The following CADM2 variants were observed in gnomAD, a reference collection of about 807,000 sequenced individuals.
The protein encoded by CADM2 is immunoglobulin superfamily member 4D.
Under a neutral mutation model 49.8 loss-of-function variants are expected in CADM2, and 12 were observed. That is an observed-to-expected ratio of 0.24 (90% CI 0.15 to 0.39). The LOEUF (loss-of-function observed/expected upper bound fraction) is 0.39, where lower values mean the gene tolerates loss of function less well. CADM2 is among the 10% of genes least tolerant of loss of function. CADM2 has a pLI of 1.00. For missense variants in CADM2, 378 were observed against 492.3 expected (o/e 0.77, Z 2.20); for synonymous variants, 214 against 175.4 (o/e 1.22, Z -1.74).
At chr3:86,032,259 A>G (rs1734643786) in intron 8 of CADM2, among the ~76,000 whole-genome samples, 1 of 151,780 alleles carries the variant, frequency 6.6e-6, no homozygotes, top group South Asian at 2.1e-4. Flanking sequence ...TCTGAATAAA[A>G]CTTCTGGTAA....
chr3:85,892,180 A>G (rs1257168376), intron 5 of CADM2, among the ~76,000 whole-genome samples: 2 of 152,184 alleles, frequency 1.3e-5, no homozygotes, highest in Non-Finnish European at 2.9e-5. Flanking sequence ...TGACAATGGA[A>G]TTTTTTACAA....
intron 1 of CADM2, among the ~76,000 whole-genome samples, chr3:85,086,906 G>A (rs900858379): frequency 9.2e-5 from 14 of 152,126 alleles, no homozygotes; most frequent in Admixed American, 1.3e-4. Context: ...TGCTTTCATA[G>A]CAATATTTTG....
At chr3:85,515,251 TA>T (rs1441367521) in intron 1 of CADM2, among the ~76,000 whole-genome samples, 5 of 152,050 alleles carry the variant, frequency 3.3e-5, no homozygotes, top group Non-Finnish European at 7.4e-5. Flanking sequence ...AGAAAGAGAA[TA>T]AGATCAGTTA....
chr3:85,032,953 G>A (rs1021105107), intron 1 of CADM2, among the ~76,000 whole-genome samples: 1 of 151,896 alleles, frequency 6.6e-6, no homozygotes, highest in Non-Finnish European at 1.5e-5. Flanking sequence ...TGCATGCTGA[G>A]AGATTTTCAG....
At chr3:85,562,957 T>G (rs1413785599) in intron 1 of CADM2, among the ~76,000 whole-genome samples, 2 of 152,226 alleles carry the variant, frequency 1.3e-5, no homozygotes, top group Non-Finnish European at 2.9e-5. Context: ...CCTTACATTT[T>G]TAAATAAGTT....
chr3:85,688,775 C>A (rs1487890829), intron 1 of CADM2, among the ~76,000 whole-genome samples: 1 of 151,986 alleles, frequency 6.6e-6, no homozygotes, highest in East Asian at 1.9e-4. Flanking sequence ...ACCATGGTGG[C>A]CAGCCTGGTT....
At chr3:85,074,118 G>A (rs1041083824) in intron 1 of CADM2, among the ~76,000 whole-genome samples, 1 of 151,970 alleles carries the variant, frequency 6.6e-6, no homozygotes, top group East Asian at 1.9e-4. Context: ...CAGAGCTCCC[G>A]TTACCACTTT....
At chr3:85,485,551 T>C (rs1242756105) in intron 1 of CADM2, among the ~76,000 whole-genome samples, 1 of 152,018 alleles carries the variant, frequency 6.6e-6, no homozygotes, top group Non-Finnish European at 1.5e-5. Context: ...GCCACAGTTA[T>C]TTGAGTAATG....
Position 85,990,794 on chromosome 3 carries a change from G to A in CADM2, c.970+29147G>A, listed in dbSNP as rs61508801. Among the ~76,000 whole-genome samples, 1,248 of 152,252 alleles carry A rather than the reference G, an allele frequency of 8.2e-3. 26 individuals carry two copies. Among genetic ancestry groups the A allele is most frequent in the East Asian group, 0.036 (189 of 5,180 alleles). ...TGCTAGGTGAAGGCTGAAATCTATC[G>A]TAGATAGACCATCCTTTAAAGCCAT... is the stretch of plus-strand genomic sequence containing the variant. On this transcript the variant is annotated intron_variant, in intron 8 of 9. Coordinates refer to ENST00000383699, the MANE Select transcript of CADM2 (RefSeq NM_001167675.2).
At chr3:85,948,912 T>G (rs1182761424) in intron 7 of CADM2, among the ~76,000 whole-genome samples, 1 of 151,342 alleles carries the variant, frequency 6.6e-6, no homozygotes, top group Non-Finnish European at 1.5e-5. Flanking sequence ...AAGTAAAAGA[T>G]AAGACTTTAT....
At chr3:85,865,175 G>T (rs773783110) in intron 3 of CADM2, among the ~76,000 whole-genome samples, 1 of 152,178 alleles carries the variant, frequency 6.6e-6, no homozygotes, top group Non-Finnish European at 1.5e-5. Context: ...TTACTTCAAA[G>T]AACTGGAGAG....
At chr3:85,449,053 A>AATAATAATAATAATAATG (rs2037619694) in intron 1 of CADM2, among the ~76,000 whole-genome samples, 3 of 15,826 alleles carry the variant, frequency 1.9e-4, no homozygotes, top group Non-Finnish European at 6.8e-4. Flanking sequence ...CCAACTCAAA[A>AATAATAATAATAATAATG]ATAATAATAA....
chr3:85,032,752 A>G (rs1576077439), intron 1 of CADM2, among the ~76,000 whole-genome samples: 1 of 152,016 alleles, frequency 6.6e-6, no homozygotes. Flanking sequence ...AAATGACTTC[A>G]TTTTTCACAT....
intron 1 of CADM2, among the ~76,000 whole-genome samples, chr3:85,290,759 A>C (rs943448878): frequency 6.6e-6 from 1 of 152,222 alleles, no homozygotes; most frequent in African/African-American, 2.4e-5. Context: ...AACAAACAGA[A>C]GGGACATCCA....
In CADM2 at chr3:85,062,088, GCA is replaced by G. The variant is rs750878271; in HGVS notation, c.61+102435_61+102436del. 4.9e-3 allele frequency among the ~76,000 whole-genome samples: 712 copies of G among 145,298 alleles called. 4 individuals carry two copies. Among genetic ancestry groups the G allele is most frequent in the Non-Finnish European group, 7.4e-3 (483 of 65,316 alleles). On this transcript the variant is annotated intron_variant, in intron 1 of 9. Transcript: ENST00000383699. ...CTCTCTCTCACTCATACACACACAC[GCA>G]CACACACACACACAAACACACACAC...
At chr3:85,173,381 A>G (rs2040687882) in intron 1 of CADM2, among the ~76,000 whole-genome samples, 1 of 152,150 alleles carries the variant, frequency 6.6e-6, no homozygotes, top group Non-Finnish European at 1.5e-5. Context: ...CTTCTATCTC[A>G]TGTAACAATA....
At chr3:85,955,286 A>G (rs1284884373) in intron 7 of CADM2, among the ~76,000 whole-genome samples, 2 of 151,404 alleles carry the variant, frequency 1.3e-5, no homozygotes, top group African/African-American at 2.4e-5. Context: ...ATCTTTATGA[A>G]AAAAAGGCAG....
At chr3:85,693,863 T>C (rs1371729893) in intron 1 of CADM2, among the ~76,000 whole-genome samples, 1 of 136,046 alleles carries the variant, frequency 7.4e-6, no homozygotes, top group African/African-American at 2.8e-5. Flanking sequence ...ACCACTGTAC[T>C]CCAGCCTGGG....
At chr3:85,005,814 T>C (rs1397045587) in intron 1 of CADM2, among the ~76,000 whole-genome samples, 1 of 152,090 alleles carries the variant, frequency 6.6e-6, no homozygotes, top group African/African-American at 2.4e-5. Flanking sequence ...ATTGTGTGTG[T>C]TGTATTTTTC....
Sources: gnomAD v4.1 joint callset for allele counts (sites outside exome capture counted in the v4.1 genomes callset) on GRCh38, gnomAD v4.1.1 for gene constraint, MANE v1.5 for transcripts, NCBI Gene and HGNC (gene_info 2026-07-23, HGNC 2026-07-21) for gene names.